Variants in MTHFD1 observed in about 807,000 individuals in gnomAD.
The protein encoded by MTHFD1 is methylenetetrahydrofolate dehydrogenase, cyclohydrolase and formyltetrahydrofolate synthetase 1, also known as C-1-tetrahydrofolate synthase, cytoplasmic.
In MTHFD1, 44 loss-of-function variants were observed where a neutral mutation model predicts 110.3. That is an observed-to-expected ratio of 0.40 (90% confidence interval 0.31 to 0.51). MTHFD1 has a LOEUF of 0.51. Among genes scored for constraint, MTHFD1 ranks in the 20% least tolerant of loss-of-function variants. The pLI is 0.60. For missense variants in MTHFD1, 909 were observed against 1,173.1 expected, an observed-to-expected ratio of 0.77 and a Z score of 3.29; for synonymous variants, 402 against 428.8, an observed-to-expected ratio of 0.94 and a Z score of 0.77.
chr14:64,427,310 T>G lies in MTHFD1; in HGVS notation c.1128-27T>G, dbSNP rs780589700. The stretch of plus-strand genomic sequence containing the variant: ...TCAGATACACTTAATTCTTTAAACC[T>G]TTTTCTCTTTTGCTTTCGTCTTGAA... On this transcript the variant is annotated intron_variant, in intron 11 of 27. Transcript: ENST00000652337. 31 of 1,611,966 alleles carry G rather than the reference T, an allele frequency of 1.9e-5. No homozygotes were observed. The South Asian group carries it at 3.4e-4, about 18-fold the overall frequency.
chr14:64,449,742 C>T (rs1262963840), intron 24 of MTHFD1, 120 bp downstream of exon 24: 2 of 1,188,530 alleles, frequency 1.7e-6, no homozygotes, highest in Admixed American at 2.0e-5. Context: ...GTTTGATTCC[C>T]ACGTAGGTGA....
At chr14:64,388,668 G>A in intron 1 of MTHFD1, 200 bp downstream of exon 1, 1 of 637,618 alleles carries the variant, frequency 1.6e-6, no homozygotes, top group East Asian at 2.7e-5. Flanking sequence ...GGCTGTAGCC[G>A]CTGGCTCCTG....
chr14:64,427,682 G>A (rs1209189965), intron 12 of MTHFD1, among the ~76,000 whole-genome samples: 1 of 152,156 alleles, frequency 6.6e-6, no homozygotes, highest in African/African-American at 2.4e-5. Context: ...CACTGCACAG[G>A]GATTCTCTGG....
intron 2 of MTHFD1, among the ~76,000 whole-genome samples, chr14:64,403,115 T>C (rs1383438795): frequency 6.6e-6 from 1 of 150,952 alleles, no homozygotes; most frequent in Non-Finnish European, 1.5e-5. Flanking sequence ...TGCGCCACCA[T>C]GCCTAATTTT....
intron 25 of MTHFD1, 127 bp downstream of exon 25, chr14:64,453,988 T>A: frequency 1.4e-6 from 1 of 705,040 alleles, no homozygotes; most frequent in South Asian, 1.5e-5. Context: ...CCTTCTCTCC[T>A]CTGAAATACT....
Position 64,441,376 on chromosome 14 carries a change from G to T in MTHFD1, c.1816-9G>T. The T allele has an allele frequency of 6.2e-7, 1 of 1,613,982 alleles. No homozygotes were observed. Among genetic ancestry groups the T allele is most frequent in the Non-Finnish European group, 8.5e-7 (1 of 1,179,886 alleles). On this transcript the variant is annotated splice_polypyrimidine_tract_variant and intron_variant, in intron 18 of 27. Transcript: ENST00000652337. ...GTGGGAGTTGATGCTGCACACATTTGTTTTGTAGGGGGTGAGTGGTGCACT... is the reference window on the plus strand; with the variant it reads ...GTGGGAGTTGATGCTGCACACATTTTTTTTGTAGGGGGTGAGTGGTGCACT...
At chr14:64,402,156 A>G (rs77322693) in intron 2 of MTHFD1, among the ~76,000 whole-genome samples, 1 of 152,238 alleles carries the variant, frequency 6.6e-6, no homozygotes, top group Non-Finnish European at 1.5e-5. Context: ...ATCTTCTCAG[A>G]CTTGCACACT....
At chr14:64,427,206 C>T (rs1284615684) in intron 11 of MTHFD1, 131 bp from the exon 12 acceptor site, 1 of 1,050,360 alleles carries the variant, frequency 9.5e-7, no homozygotes, top group African/African-American at 1.6e-5. Flanking sequence ...CAGGCATACA[C>T]TGCTATGCCT....
At chr14:64,399,058 T>A (rs538481429) in intron 1 of MTHFD1, among the ~76,000 whole-genome samples, 5 of 152,368 alleles carry the variant, frequency 3.3e-5, no homozygotes, top group African/African-American at 1.2e-4. Context: ...TGAATTAGAA[T>A]ATAATTTGTA....
intron 1 of MTHFD1, among the ~76,000 whole-genome samples, chr14:64,397,183 AT>A (rs2077863044): frequency 2.9e-4 from 4 of 13,632 alleles, no homozygotes; most frequent in East Asian, 1.7e-3. Flanking sequence ...ATATATATAT[AT>A]ATATATAAAA....
intron 4 of MTHFD1, among the ~76,000 whole-genome samples, chr14:64,413,808 G>T (rs772689751): frequency 1.2e-4 from 19 of 152,098 alleles, no homozygotes; most frequent in Non-Finnish European, 2.5e-4. Context: ...TAAGTTATTA[G>T]AGTTCTTAGC....
intron 18 of MTHFD1, chr14:64,441,059 G>A (rs896615101): frequency 1.1e-5 from 4 of 355,186 alleles, no homozygotes; most frequent in Non-Finnish European, 2.2e-5. Flanking sequence ...GGGCATAGTG[G>A]CGGGTGCCTG....
intron 19 of MTHFD1, 128 bp from the exon 20 acceptor site, chr14:64,441,926 T>A (rs915628844): frequency 6.9e-6 from 5 of 725,320 alleles, no homozygotes; most frequent in Non-Finnish European, 1.2e-5. Context: ...ATAAAAGAGA[T>A]GACTTTATAT....
chr14:64,416,584 A>AT (rs2078028427), intron 6 of MTHFD1, among the ~76,000 whole-genome samples: 1 of 152,130 alleles, frequency 6.6e-6, no homozygotes, highest in Non-Finnish European at 1.5e-5. Flanking sequence ...AGCAGAGGTT[A>AT]TTTTTTACAA....
Position 64,431,594 on chromosome 14 carries a change from G to T in MTHFD1, c.1374G>T (p.Ala458=). 1 of 1,614,096 alleles carries T rather than the reference G, an allele frequency of 6.2e-7. No individual in the cohort carries two copies. ...AITAANNLVA[A]AIDARIFHEL... The stretch of plus-strand genomic sequence containing the variant: ...CTGCAGCTAATAACCTCGTTGCTGC[G>T]GCCATTGATGCTCGGATATTTCATG... The change falls in exon 14 of 28, where the codon GCG becomes GCT. Residue 458 remains alanine, a synonymous_variant. Coordinates refer to ENST00000652337, the MANE Select transcript of MTHFD1 (RefSeq NM_005956.4).
At chr14:64,395,865 TTG>T (rs2077844483) in intron 1 of MTHFD1, among the ~76,000 whole-genome samples, 1 of 152,186 alleles carries the variant, frequency 6.6e-6, no homozygotes, top group Non-Finnish European at 1.5e-5. Flanking sequence ...TATTGTGTCA[TTG>T]TGTGTGTGGA....
At chr14:64,408,285 C>CCTTTTTTTTTTTTTTTTTTT (rs34166790) in intron 2 of MTHFD1, among the ~76,000 whole-genome samples, 2 of 121,208 alleles carry the variant, frequency 1.7e-5, no homozygotes, top group Non-Finnish European at 1.6e-5. Flanking sequence ...AATCAGCATT[C>CCTTTTTTTTTTTTTTTTTTT]TTTTTTTTTT....
At position 64,442,078 on chromosome 14, in the gene MTHFD1, G is replaced by T. The variant is rs760884758; in HGVS notation, c.1909G>T (p.Gly637Cys). 103 of 1,614,000 alleles carry T rather than the reference G, an allele frequency of 6.4e-5. No individual in the cohort carries two copies. The highest frequency in any genetic ancestry group is 8.3e-5 in the Non-Finnish European group (98 of 1,179,958). Residue 637 changes from glycine to cysteine, a missense_variant, in exon 20 of 28, where the codon GGC becomes TGC. This residue lies in a region of MTHFD1 where 482 missense variants were observed against 646.0 expected (regional missense o/e 0.75). Transcript: ENST00000652337. ...LEGTPVFVHA[G>C]PFANIAHGNS... The stretch of plus-strand genomic sequence containing the variant: ...GGGCACTCCAGTGTTTGTCCATGCT[G>T]GCCCGTTTGCCAACATCGCACATGG...
chr14:64,457,274 C>A (rs932172654), intron 26 of MTHFD1, among the ~76,000 whole-genome samples: 4 of 152,140 alleles, frequency 2.6e-5, no homozygotes, highest in Admixed American at 6.6e-5. Flanking sequence ...CCCTGTACCT[C>A]CTTTTGGTCT....
Sources: allele counts gnomAD v4.1 joint callset (sites outside exome capture counted in the v4.1 genomes callset), GRCh38; gene constraint gnomAD v4.1.1; regional missense constraint gnomAD v4.1.1; transcripts MANE v1.5; gene names NCBI Gene and HGNC (gene_info 2026-07-23, HGNC 2026-07-21).